The following EXPH5 variants were observed in gnomAD, a reference collection of about 807,000 sequenced individuals.
EXPH5 encodes the protein exophilin 5, also known as exophilin-5.
In EXPH5, 42 loss-of-function variants were observed where a neutral mutation model predicts 41.1. That is an observed-to-expected ratio of 1.02 (90% CI 0.80 to 1.32). The LOEUF is 1.32. Ranked by LOEUF, EXPH5 falls within the 40% of genes most tolerant of loss-of-function variation. The pLI is 0.00. For missense variants in EXPH5, 2,298 were observed against 2,314.5 expected, an observed-to-expected ratio of 0.99 and a Z score of 0.15; for synonymous variants, 798 against 833.5, an observed-to-expected ratio of 0.96 and a Z score of 0.73.
Position 108,506,213 on chromosome 11 carries a change from T to C in EXPH5, c.*3324A>G, listed in dbSNP as rs944728225. 2.0e-5 allele frequency: 3 copies of C among 152,190 alleles called. No homozygotes were observed. The highest frequency in any genetic ancestry group is 2.0e-4 in the Admixed American group (3 of 15,282). 9.4% of individuals were successfully genotyped at this position (152,190 alleles called of 1,614,324 possible). A position where few individuals can be genotyped will look rare whatever the true frequency, so the allele number is the denominator to read the frequency against. On this transcript the variant is annotated 3_prime_UTR_variant, in exon 6 of 6. Transcript: ENST00000265843. The stretch of plus-strand genomic sequence containing the variant: ...AATGACTATTATAAGTTACCATAGC[T>C]ATACCAAAAATGAACATTAAAATGC...
chr11:108,576,375 G>T (rs534383350), intron 1 of EXPH5, among the ~76,000 whole-genome samples: 2 of 152,184 alleles, frequency 1.3e-5, no homozygotes, highest in African/African-American at 2.4e-5. Flanking sequence ...GTAAACCCAT[G>T]GTTGCTAGTA....
At chr11:108,528,078 C>T (rs1337789308) in intron 4 of EXPH5, 58 bp downstream of exon 4, 1 of 1,124,570 alleles carries the variant, frequency 8.9e-7, no homozygotes, top group Non-Finnish European at 1.3e-6. Flanking sequence ...GGTAGCCACC[C>T]TGGGATTACA....
At chr11:108,538,304 C>T (rs1416193828) in intron 3 of EXPH5, 23 of 959,984 alleles carry the variant, frequency 2.4e-5, no homozygotes, top group Non-Finnish European at 2.7e-5. Context: ...ACCAGGAAGA[C>T]ATGCCGAAAA....
rs1027459146 is a variant in EXPH5, at chr11:108,513,024, C to T, written c.2483G>A (p.Gly828Asp). ...ATTTACAGTTAATTCCTGGTGACAACCTTGGTCTGTCCTGGGGAAAGATGG... is the reference window on the plus strand; with the variant it reads ...ATTTACAGTTAATTCCTGGTGACAATCTTGGTCTGTCCTGGGGAAAGATGG... ...TPPSFPRTDQ[G>D]CHQELTVNNE... Residue 828 changes from glycine to aspartate, a missense_variant, in exon 6 of 6, where the codon GGT (glycine) becomes GAT (aspartate). Coordinates refer to ENST00000265843, the MANE Select transcript of EXPH5 (RefSeq NM_015065.3). 3 of 1,613,972 alleles carry T rather than the reference C, an allele frequency of 1.9e-6. No individual in the cohort carries two copies. The highest frequency in any genetic ancestry group is 2.5e-6 in the Non-Finnish European group (3 of 1,179,966).
rs1482276600 is a variant in EXPH5, at chr11:108,539,140, T to C, written c.327A>G (p.Gln109=). ...PTSRSKNVTN[Q]KKPTPFSSRM... ...GGGAAGAAAAAGGTGTCGGCTTTTT[T>C]TGATTAGTTACATTTTTAGATCTTG... Residue 109 remains glutamine (Q), a synonymous_variant, in exon 3 of 6, where the codon CAA becomes CAG. Transcript: ENST00000265843. 6.2e-7 allele frequency: 1 copy of C among 1,610,864 alleles called. No homozygotes were observed. The highest frequency in any genetic ancestry group is 1.3e-5 in the African/African-American group (1 of 74,780).
the EXPH5 span, among the ~76,000 whole-genome samples, chr11:108,602,552 T>TC: frequency 5.9e-5 from 9 of 151,438 alleles, no homozygotes; most frequent in Non-Finnish European, 8.9e-5. Context: ...AAACTGCCTT[T>TC]TTTTTTTTTT....
intron 3 of EXPH5, among the ~76,000 whole-genome samples, chr11:108,532,372 T>TTTA (rs2093848667): frequency 2.5e-5 from 1 of 40,288 alleles, no homozygotes; most frequent in African/African-American, 1.8e-4. Flanking sequence ...ATATATTTTT[T>TTTA]TTTTTTTTTT....
upstream of EXPH5, among the ~76,000 whole-genome samples, chr11:108,595,312 A>G (rs1250896440): frequency 1.3e-5 from 2 of 152,260 alleles, no homozygotes; most frequent in South Asian, 4.1e-4. Flanking sequence ...CCATGAGCAC[A>G]CAGAAAAGTT....
intron 1 of EXPH5, among the ~76,000 whole-genome samples, chr11:108,585,557 G>A (rs1356953894): frequency 6.6e-6 from 1 of 152,188 alleles, no homozygotes; most frequent in African/African-American, 2.4e-5. Context: ...CCAGGGTCTA[G>A]AACTATAAGC....
intron 1 of EXPH5, among the ~76,000 whole-genome samples, chr11:108,570,340 C>T (rs935724776): frequency 5.3e-5 from 8 of 151,998 alleles, no homozygotes; most frequent in Admixed American, 6.6e-5. Flanking sequence ...CTGCAACCTC[C>T]GCCTCCTGGG....
At position 108,514,601 on chromosome 11, in the gene EXPH5, C is replaced by T. The variant is rs761025905; in HGVS notation, c.906G>A (p.Glu302=). ...CATAATCTTCTTTAAAGACTCTGGG[C>T]TCCCTTGTCCTATACATATCATAAA... ...STIYDMYRTR[E]PRVFKEDYVQ... The change falls in exon 6 of 6, where the codon GAG becomes GAA. Residue 302 remains glutamate (E), a synonymous_variant. Transcript: ENST00000265843. 6 of 1,613,624 alleles carry T rather than the reference C, an allele frequency of 3.7e-6. No individual in the cohort carries two copies. The South Asian group carries it at 4.4e-5, about 12-fold the overall frequency.
At chr11:108,549,453 T>A (rs1565815685) in intron 1 of EXPH5, among the ~76,000 whole-genome samples, 1 of 152,356 alleles carries the variant, frequency 6.6e-6, no homozygotes, top group East Asian at 1.9e-4. Flanking sequence ...CCCCCTCCTC[T>A]TCTTTGTCTT....
chr11:108,557,558 G>C (rs73548801), intron 1 of EXPH5, among the ~76,000 whole-genome samples: 5,060 of 152,214 alleles, frequency 0.033, 318 homozygotes, highest in African/African-American at 0.12. Flanking sequence ...ATCTTGGCCA[G>C]GCTGGTCTTG....
chr11:108,568,207 T>C (rs2094043733), intron 1 of EXPH5: 2 of 150,538 alleles, frequency 1.3e-5, no homozygotes, highest in African/African-American at 4.9e-5. Flanking sequence ...AATAATCAGT[T>C]GGCCTTAATT....
intron 1 of EXPH5, among the ~76,000 whole-genome samples, chr11:108,561,387 C>G (rs1452863693): frequency 1.4e-5 from 2 of 143,804 alleles, no homozygotes; most frequent in Non-Finnish European, 3.1e-5. Context: ...TTAAATCATT[C>G]TGGCATCTCT....
intron 3 of EXPH5, among the ~76,000 whole-genome samples, chr11:108,532,367 T>TATATACATATATATATATATATATATGTA (rs61454000): frequency 4.9e-5 from 1 of 20,368 alleles, no homozygotes; most frequent in African/African-American, 3.1e-4. Flanking sequence ...TATATATATA[T>TATATACATATATATATATATATATATGTA]TTTTTTTTTT....
chr11:108,531,658 G>A (rs370613603), intron 3 of EXPH5, among the ~76,000 whole-genome samples: 5 of 152,184 alleles, frequency 3.3e-5, no homozygotes, highest in African/African-American at 9.6e-5. Context: ...GAGTAGGATG[G>A]GGCTCAAGAA....
chr11:108,602,522 T>C, the EXPH5 span, among the ~76,000 whole-genome samples: 1 of 151,610 alleles, frequency 6.6e-6, no homozygotes, highest in Non-Finnish European at 1.5e-5. Flanking sequence ...TAACTCACTG[T>C]CCACCTGGGA....
chr11:108,509,615 C>T lies in EXPH5; in HGVS notation c.5892G>A (p.Val1964=). Residue 1964 remains valine, a synonymous_variant, in exon 6 of 6, where the codon GTG becomes GTA. Transcript: ENST00000265843. ...EPLNIYEDDP[V]DSDCDTDTTT... ...TTGTGTCTGTGTCACAATCTGAGTCCACTGGGTCATCCTCATAGATATTAA... is the reference window on the plus strand; with the variant it reads ...TTGTGTCTGTGTCACAATCTGAGTCTACTGGGTCATCCTCATAGATATTAA... 4.3e-6 allele frequency: 7 copies of T among 1,610,228 alleles called. No homozygotes were observed. The highest frequency in any genetic ancestry group is 5.1e-6 in the Non-Finnish European group (6 of 1,178,742).
Sources: gnomAD v4.1 joint callset for allele counts (sites outside exome capture counted in the v4.1 genomes callset) on GRCh38, gnomAD v4.1.1 for gene constraint, MANE v1.5 for transcripts, NCBI Gene and HGNC (gene_info 2026-07-23, HGNC 2026-07-21) for gene names.